RIMS2: variants seen among roughly 807,000 people sequenced by gnomAD.
RIMS2 encodes the protein regulating synaptic membrane exocytosis protein 2.
In RIMS2, 59 loss-of-function variants were observed where a neutral mutation model predicts 174.4. That is an observed-to-expected ratio of 0.34 (90% CI 0.27 to 0.42). The LOEUF is 0.42. Among genes scored for constraint, RIMS2 ranks in the 10% least tolerant of loss-of-function variants. The pLI, the probability that RIMS2 is intolerant of heterozygous loss-of-function variation, is 1.00. For missense variants in RIMS2, 1,620 were observed against 1,666.3 expected (o/e 0.97, Z 0.48); for synonymous variants, 606 against 572.5 (o/e 1.06, Z -0.84).
intron 19 of RIMS2, among the ~76,000 whole-genome samples, chr8:104,099,540 C>T (rs986977924): frequency 2.0e-5 from 3 of 152,202 alleles, no homozygotes; most frequent in Non-Finnish European, 2.9e-5. Context: ...ATTTTTAAAA[C>T]ACCACAGGTG....
chr8:103,805,178 T>C (rs1264001891), intron 3 of RIMS2, among the ~76,000 whole-genome samples: 2 of 152,176 alleles, frequency 1.3e-5, no homozygotes, highest in Non-Finnish European at 2.9e-5. Context: ...CTAATTGTTA[T>C]TTCTCTTGAG....
At chr8:104,094,554 G>T (rs1351296520) in intron 19 of RIMS2, 1 of 701,942 alleles carries the variant, frequency 1.4e-6, no homozygotes, top group Non-Finnish European at 2.6e-6. Flanking sequence ...AGAGGTAAAG[G>T]AAGAAAGAAT....
intron 1 of RIMS2, among the ~76,000 whole-genome samples, chr8:103,602,779 C>T (rs2094823823): frequency 6.6e-6 from 1 of 152,150 alleles, no homozygotes; most frequent in Non-Finnish European, 1.5e-5. Context: ...AAGTATGTCT[C>T]TCTATGGTAG....
chr8:103,840,881 A>G (rs1310233341), intron 3 of RIMS2, among the ~76,000 whole-genome samples: 2 of 152,206 alleles, frequency 1.3e-5, no homozygotes, highest in Non-Finnish European at 2.9e-5. Flanking sequence ...TAATTATAGC[A>G]TAAGTGTATT....
chr8:103,894,700 G>A (rs1477610775), intron 4 of RIMS2, among the ~76,000 whole-genome samples: 2 of 151,232 alleles, frequency 1.3e-5, no homozygotes, highest in Non-Finnish European at 2.9e-5. Flanking sequence ...AAATGTATAG[G>A]TCTATATTTC....
At position 103,967,170 on chromosome 8, in the gene RIMS2, G is replaced by GTTTTTTTTTTTTTTTTTT. The variant is rs71575988; in HGVS notation, c.2770+6050_2770+6067dup. Reference sequence around the variant, plus strand: ...TTTTCTGCCTGCTTGATCTGTTCTTGTTTTTTTTTTTTTTTTTTTTTTTTT... The same window carrying GTTTTTTTTTTTTTTTTTT: ...TTTTCTGCCTGCTTGATCTGTTCTTGTTTTTTTTTTTTTTTTTTTTTTTTTTTTTTTTTTTTTTTTTTT... On this transcript the variant is annotated intron_variant, in intron 15 of 23. Transcript: ENST00000504942. 6.0e-4 allele frequency among the ~76,000 whole-genome samples: 15 copies of GTTTTTTTTTTTTTTTTTT among 24,962 alleles called. 6 individuals carry two copies. The highest frequency in any genetic ancestry group is 4.2e-3 in the East Asian group (4 of 950). 16.4% of individuals were successfully genotyped at this position (24,962 alleles called of 152,430 possible).
chr8:104,222,355 T>TCAAG (rs1403575180), intron 19 of RIMS2, among the ~76,000 whole-genome samples: 3 of 152,184 alleles, frequency 2.0e-5, no homozygotes, highest in Non-Finnish European at 4.4e-5. Context: ...TTTCAGCATA[T>TCAAG]CAAGCAAGTA....
At chr8:103,876,905 T>TAA (rs201317388) in intron 3 of RIMS2, among the ~76,000 whole-genome samples, 1 of 61,488 alleles carries the variant, frequency 1.6e-5, no homozygotes, top group African/African-American at 6.1e-5. Flanking sequence ...TATATATATA[T>TAA]ATATACACAC....
chr8:103,847,525 G>T (rs2098974372), intron 3 of RIMS2, among the ~76,000 whole-genome samples: 1 of 152,052 alleles, frequency 6.6e-6, no homozygotes, highest in Non-Finnish European at 1.5e-5. Flanking sequence ...TCTTAAATAT[G>T]TTATGTGGTA....
chr8:104,003,026 T>A (rs2095445871), intron 17 of RIMS2, among the ~76,000 whole-genome samples: 1 of 152,216 alleles, frequency 6.6e-6, no homozygotes, highest in Admixed American at 6.5e-5. Flanking sequence ...TTTATTAATA[T>A]CTCTTTATTA....
chr8:104,185,747 C>A (rs2098964575), intron 19 of RIMS2, among the ~76,000 whole-genome samples: 1 of 151,216 alleles, frequency 6.6e-6, no homozygotes, highest in African/African-American at 2.4e-5. Flanking sequence ...GAGATGTTGG[C>A]AGGAGAAAAG....
intron 1 of RIMS2, among the ~76,000 whole-genome samples, chr8:103,636,982 A>G (rs951735663): frequency 6.6e-6 from 1 of 152,174 alleles, no homozygotes; most frequent in Admixed American, 6.5e-5. Flanking sequence ...TGATTGGCCA[A>G]GATAGTTGAG....
At chr8:104,191,994 C>T (rs1251361065) in intron 19 of RIMS2, among the ~76,000 whole-genome samples, 1 of 151,984 alleles carries the variant, frequency 6.6e-6, no homozygotes, top group Non-Finnish European at 1.5e-5. Context: ...ATATTTGTTC[C>T]CAGAAGAATT....
At chr8:103,989,670 A>G (rs2094564285) in intron 17 of RIMS2, among the ~76,000 whole-genome samples, 1 of 152,232 alleles carries the variant, frequency 6.6e-6, no homozygotes, top group African/African-American at 2.4e-5. Context: ...GGTTTAATCA[A>G]ACCAGTTAAG....
intron 19 of RIMS2, among the ~76,000 whole-genome samples, chr8:104,101,499 T>C (rs959940424): frequency 9.2e-5 from 14 of 152,206 alleles, no homozygotes; most frequent in Non-Finnish European, 1.9e-4. Context: ...CTATTTTTTA[T>C]TGTACACATT....
chr8:103,633,396 T>C (rs1189804134), intron 1 of RIMS2, among the ~76,000 whole-genome samples: 1 of 152,092 alleles, frequency 6.6e-6, no homozygotes, highest in Non-Finnish European at 1.5e-5. Flanking sequence ...GAAGCCTACT[T>C]GATCATGGTG....
chr8:104,131,901 T>G (rs1224727296), intron 19 of RIMS2, among the ~76,000 whole-genome samples: 1 of 152,184 alleles, frequency 6.6e-6, no homozygotes, highest in African/African-American at 2.4e-5. Context: ...ATACAAGCAC[T>G]ATAGAATTTT....
intron 3 of RIMS2, among the ~76,000 whole-genome samples, chr8:103,816,730 G>A (rs916121707): frequency 2.6e-5 from 4 of 152,136 alleles, no homozygotes; most frequent in Admixed American, 2.0e-4. Context: ...ACTAGCATGG[G>A]TGTAGTATAG....
chr8:104,223,484 C>A, intron 19 of RIMS2: 1 of 1,379,330 alleles, frequency 7.2e-7, no homozygotes. Context: ...GCCAGGAAAG[C>A]CACGTCTCCT....
Sources: gnomAD v4.1 joint callset for allele counts (sites outside exome capture counted in the v4.1 genomes callset) on GRCh38, gnomAD v4.1.1 for gene constraint, MANE v1.5 for transcripts, NCBI Gene and HGNC (gene_info 2026-07-23, HGNC 2026-07-21) for gene names.